The following STK32A variants were observed in gnomAD, a reference collection of about 807,000 sequenced individuals.
The protein encoded by STK32A is serine/threonine-protein kinase 32A.
A neutral mutation model predicts 53.2 loss-of-function variants in STK32A; 41 were observed. That is an observed-to-expected ratio of 0.77 (90% confidence interval 0.60 to 1.00). The LOEUF is 1.00. STK32A is among the 50% of genes least tolerant of loss of function. STK32A has a pLI of 0.00. For missense variants in STK32A, 458 were observed against 485.8 expected (o/e 0.94, Z 0.54); for synonymous variants, 166 against 162.8 (o/e 1.02, Z -0.15).
Position 147,311,312 on chromosome 5 carries a change from C to T in STK32A, c.261-12586C>T, listed in dbSNP as rs114602378. 7.0e-3 allele frequency among the ~76,000 whole-genome samples: 1,069 copies of T among 152,180 alleles called. 15 individuals are homozygous for T. Among genetic ancestry groups the T allele is most frequent in the African/African-American group, 0.024 (1,009 of 41,510 alleles). ...TGATTGGCTTCAGGAAGAGGGAAAC[C>T]ATGTCCTTTTGTTCAGTCCTTTATT... On this transcript the variant is annotated intron_variant, in intron 4 of 12. Transcript: ENST00000397936.
chr5:147,257,971 C>T (rs1754309858), intron 2 of STK32A, among the ~76,000 whole-genome samples: 1 of 151,770 alleles, frequency 6.6e-6, no homozygotes, highest in South Asian at 2.1e-4. Context: ...AGATTTTAGA[C>T]CAAAGAAGGC....
At chr5:147,250,903 C>G (rs903889925) in intron 2 of STK32A, among the ~76,000 whole-genome samples, 1 of 142,390 alleles carries the variant, frequency 7.0e-6, no homozygotes, top group East Asian at 2.1e-4. Context: ...GATGGTGTCA[C>G]TGCACTCCAG....
At chr5:147,326,351 C>A (rs533139837) in intron 5 of STK32A, among the ~76,000 whole-genome samples, 5 of 152,214 alleles carry the variant, frequency 3.3e-5, no homozygotes, top group African/African-American at 1.2e-4. Flanking sequence ...GTATGGAAGG[C>A]AAACAGGATG....
At chr5:147,390,676 A>G (rs1744258520), downstream of STK32A, 1 of 152,006 alleles carries the variant, frequency 6.6e-6, no homozygotes, top group African/African-American at 2.4e-5. Flanking sequence ...GAAGCCCCCA[A>G]TTTTTCTCCA....
chr5:147,279,222 C>T (rs752215096), intron 3 of STK32A, 25 bp from the exon 4 acceptor site: 22 of 1,590,290 alleles, frequency 1.4e-5, no homozygotes, highest in Admixed American at 5.1e-5. Context: ...CCTAATCACT[C>T]TCTCACTCGG....
At chr5:147,323,493 A>C (rs1194426856) in intron 4 of STK32A, among the ~76,000 whole-genome samples, 1 of 152,196 alleles carries the variant, frequency 6.6e-6, no homozygotes, top group Non-Finnish European at 1.5e-5. Context: ...GCATGAGGAT[A>C]GTTCAAGGAG....
intron 4 of STK32A, among the ~76,000 whole-genome samples, chr5:147,315,185 C>T (rs1024981073): frequency 6.6e-6 from 1 of 152,316 alleles, no homozygotes; most frequent in Non-Finnish European, 1.5e-5. Flanking sequence ...AAAAGTTAAA[C>T]ATAGAGTTTC....
At chr5:147,339,793 G>A (rs1005503247) in intron 5 of STK32A, among the ~76,000 whole-genome samples, 27 of 152,210 alleles carry the variant, frequency 1.8e-4, no homozygotes, top group African/African-American at 6.0e-4. Context: ...GAGGCCTGTA[G>A]CCACTTTGTT....
intron 4 of STK32A, among the ~76,000 whole-genome samples, chr5:147,302,275 T>C (rs774105289): frequency 3.3e-5 from 5 of 152,216 alleles, no homozygotes; most frequent in Non-Finnish European, 7.3e-5. Flanking sequence ...AATTGTTTTC[T>C]GTTATCAACA....
At chr5:147,297,437 A>G (rs1752919236) in intron 4 of STK32A, among the ~76,000 whole-genome samples, 1 of 152,204 alleles carries the variant, frequency 6.6e-6, no homozygotes, top group African/African-American at 2.4e-5. Flanking sequence ...ACTGGGAATC[A>G]AACCTGGGCT....
intron 2 of STK32A, among the ~76,000 whole-genome samples, chr5:147,270,106 A>T (rs1561682417): frequency 6.6e-6 from 1 of 152,216 alleles, no homozygotes. Flanking sequence ...GAAATACATC[A>T]TTTTAACAAT....
At chr5:147,379,613 C>A (rs1424714165) in intron 11 of STK32A, among the ~76,000 whole-genome samples, 2 of 152,048 alleles carry the variant, frequency 1.3e-5, no homozygotes, top group Non-Finnish European at 2.9e-5. Flanking sequence ...TCTTTCCCCC[C>A]AGAATATCCT....
intron 4 of STK32A, among the ~76,000 whole-genome samples, chr5:147,313,226 C>T (rs759892638): frequency 5.3e-5 from 8 of 152,074 alleles, no homozygotes; most frequent in Non-Finnish European, 1.2e-4. Flanking sequence ...CAGAGAGAGA[C>T]TCCGTCTTAA....
At chr5:147,314,507 C>CAAAA (rs1299138229) in intron 4 of STK32A, among the ~76,000 whole-genome samples, 2 of 12,768 alleles carry the variant, frequency 1.6e-4, no homozygotes, top group African/African-American at 2.8e-4. Flanking sequence ...TCAAAAAAAA[C>CAAAA]AAAAAAAAAC....
chr5:147,285,482 A>G (rs1752282852), intron 4 of STK32A, among the ~76,000 whole-genome samples: 1 of 152,196 alleles, frequency 6.6e-6, no homozygotes, highest in African/African-American at 2.4e-5. Context: ...GAGCTTTTGC[A>G]TGGCAAACGG....
At chr5:147,289,013 G>A (rs2151959892) in intron 4 of STK32A, among the ~76,000 whole-genome samples, 1 of 152,198 alleles carries the variant, frequency 6.6e-6, no homozygotes, top group African/African-American at 2.4e-5. Flanking sequence ...ATGACATTCT[G>A]AACTTGCCCA....
intron 1 of STK32A, among the ~76,000 whole-genome samples, chr5:147,238,861 T>C (rs1431122819): frequency 6.6e-6 from 1 of 151,906 alleles, no homozygotes; most frequent in Non-Finnish European, 1.5e-5. Flanking sequence ...TACGTTAATA[T>C]ATATTAACAA....
At chr5:147,277,537 T>TAC (rs1751819009) in intron 2 of STK32A, among the ~76,000 whole-genome samples, 1 of 152,232 alleles carries the variant, frequency 6.6e-6, no homozygotes, top group African/African-American at 2.4e-5. Context: ...TAGTTCATGC[T>TAC]ACACACTTAG....
rs1429502288 is a variant in STK32A at position 147,377,458 on chromosome 5, AT to A, written c.1032+2244del. 2.0e-5 allele frequency among the ~76,000 whole-genome samples: 3 copies of A among 151,936 alleles called. No homozygotes were observed. The South Asian group carries it at 6.2e-4, about 32-fold the overall frequency. ...TGATTTTAAGTCTTTGAATGGCAAT[AT>A]TTTCCTGTTTCTTTGTGTGCCTTGT... On this transcript the variant is annotated intron_variant, in intron 11 of 12. Transcript: ENST00000397936.
Sources: allele counts gnomAD v4.1 joint callset (sites outside exome capture counted in the v4.1 genomes callset), GRCh38; gene constraint gnomAD v4.1.1; transcripts MANE v1.5; gene names NCBI Gene and HGNC (gene_info 2026-07-23, HGNC 2026-07-21).